GPRC5A: variants seen among roughly 807,000 people sequenced by gnomAD.
GPRC5A encodes the protein G protein-coupled receptor class C group 5 member A, also known as retinoic acid-induced protein 3.
A neutral mutation model predicts 22.5 loss-of-function variants in GPRC5A; 19 were observed. The observed-to-expected ratio is 0.85, with a 90% confidence interval of 0.59 to 1.24. The LOEUF (loss-of-function observed/expected upper bound fraction) is 1.24, where lower values mean the gene tolerates loss of function less well. Ranked by LOEUF, GPRC5A falls within the 50% of genes most tolerant of loss-of-function variation. The probability of loss-of-function intolerance (pLI) is 0.00; values close to 1 mark genes in which losing one functional copy is unlikely to be tolerated. For synonymous variants in GPRC5A, 192 were observed against 184.5 expected (o/e 1.04, Z -0.33); for missense variants, 471 against 451.1 (o/e 1.04, Z -0.40).
Position 12,913,949 on chromosome 12 carries a change from C to T in GPRC5A, c.*1410C>T, listed in dbSNP as rs916202863. ...AAAGGCAGGGAGGAGAGCTCAAAGC[C>T]GGTTTCATGTTTCACCCAAGGTCTA... On this transcript the variant is annotated 3_prime_UTR_variant, in exon 4 of 4. Transcript: ENST00000014914. The T allele has an allele frequency of 1.3e-5, 2 of 152,148 alleles. No individual in the cohort carries two copies. Among genetic ancestry groups the T allele is most frequent in the South Asian group, 2.1e-4 (1 of 4,838 alleles). 9.4% of individuals were successfully genotyped at this position (152,148 alleles called of 1,614,324 possible). A position where few individuals can be genotyped will look rare whatever the true frequency, so the allele number is the denominator to read the frequency against.
chr12:12,908,697 A>G lies in GPRC5A; in HGVS notation c.448A>G (p.Ile150Val), dbSNP rs1863970306. The stretch of plus-strand genomic sequence containing the variant: ...CAGCCTAGTCCAGGATGTTATCGCT[A>G]TTGAATATATTGTCCTGACCATGAA... ...GFSLVQDVIA[I>V]EYIVLTMNRT... The change falls in exon 2 of 4, where the codon ATT (isoleucine) becomes GTT (valine). Residue 150 changes from isoleucine (I) to valine (V), a missense_variant. By Grantham distance (29) the Ile-to-Val change is conservative. Transcript: ENST00000014914. 3 of 1,614,002 alleles carry G rather than the reference A, an allele frequency of 1.9e-6. No individual in the cohort carries two copies. Among genetic ancestry groups the G allele is most frequent in the Non-Finnish European group, 1.7e-6 (2 of 1,179,892 alleles).
At position 12,914,594 on chromosome 12, in the gene GPRC5A, T is replaced by TTCTTTCTTTCTTTCTCTCTCTCTC. The variant is rs59721062; in HGVS notation, c.*2058_*2059insTTCTTTCTTTCTCTCTCTCTCTCT. 2.3e-4 allele frequency: 19 copies of TTCTTTCTTTCTTTCTCTCTCTCTC among 81,548 alleles called. No homozygotes were observed. The highest frequency in any genetic ancestry group is 6.3e-3 in the Middle Eastern group (1 of 160). The allele number at this position is 81,548 out of a possible 1,614,324, so 5.1% of individuals were successfully genotyped here. A position where few individuals can be genotyped will look rare whatever the true frequency, so the allele number is the denominator to read the frequency against. On this transcript the variant is annotated 3_prime_UTR_variant, in exon 4 of 4. Coordinates refer to ENST00000014914, the MANE Select transcript of GPRC5A (RefSeq NM_003979.4). ...TTTCTTTCTTTCTTTCTTTCTTTCT[T>TTCTTTCTTTCTTTCTCTCTCTCTC]TCTCTCTCTCTCTCTCTCTCTCTTT...
chr12:12,905,787 G>C (rs1055185115), intron 1 of GPRC5A, among the ~76,000 whole-genome samples: 6 of 152,192 alleles, frequency 3.9e-5, no homozygotes, highest in Non-Finnish European at 8.8e-5. Flanking sequence ...TGTAGGGGCA[G>C]AGAAAGAAGC....
intron 1 of GPRC5A, among the ~76,000 whole-genome samples, chr12:12,906,222 C>T (rs537817143): frequency 1.3e-5 from 2 of 152,160 alleles, no homozygotes; most frequent in East Asian, 3.9e-4. Context: ...ATAGTTTTAC[C>T]TCATAGGGTT....
intron 1 of GPRC5A, among the ~76,000 whole-genome samples, chr12:12,903,013 G>A (rs996667381): frequency 1.3e-5 from 2 of 152,138 alleles, no homozygotes; most frequent in South Asian, 2.1e-4. Flanking sequence ...GTTGCCGGGC[G>A]CCGATATCGC....
At chr12:12,909,662 G>C (rs1473640617) in intron 2 of GPRC5A, 2 of 154,286 alleles carry the variant, frequency 1.3e-5, no homozygotes, top group East Asian at 1.9e-4. Context: ...ACAGAGCAGA[G>C]AAGGGAGAAA....
chr12:12,908,253 G>T lies in GPRC5A; in HGVS notation c.4G>T (p.Ala2Ser). 2 of 1,577,368 alleles carry T rather than the reference G, an allele frequency of 1.3e-6. No homozygotes were observed. The highest frequency in any genetic ancestry group is 8.6e-7 in the Non-Finnish European group (1 of 1,161,434). The change falls in exon 2 of 4, where the codon GCT (alanine) becomes TCT (serine). Residue 2 changes from alanine to serine, a missense_variant. Physicochemically the swap from Ala to Ser is moderately conservative, Grantham distance 99. Transcript: ENST00000014914. Reference sequence around the variant, plus strand: ...ATTCCTTTTCTGCAGGTCCAGAATGGCTACAACAGTCCCTGATGGTTGCCG... The same window carrying T: ...ATTCCTTTTCTGCAGGTCCAGAATGTCTACAACAGTCCCTGATGGTTGCCG... Reference protein sequence around the residue: MATTVPDGCRNG... With the variant: MSTTVPDGCRNG...
At chr12:12,905,656 G>A (rs922181142) in intron 1 of GPRC5A, among the ~76,000 whole-genome samples, 24 of 152,230 alleles carry the variant, frequency 1.6e-4, no homozygotes, top group African/African-American at 5.8e-4. Context: ...TGAGGAAATG[G>A]GGACACTCCT....
chr12:12,895,308 T>C (rs1863810410), intron 1 of GPRC5A, among the ~76,000 whole-genome samples: 1 of 152,156 alleles, frequency 6.6e-6, no homozygotes, highest in South Asian at 2.1e-4. Flanking sequence ...TTCTGTTCTT[T>C]TGCTTTTAAC....
Position 12,916,978 on chromosome 12 carries a change from C to G in GPRC5A, c.*4439C>G, listed in dbSNP as rs945694614. 6.6e-6 allele frequency: 1 copy of G among 152,264 alleles called. No homozygotes were observed. Among genetic ancestry groups the G allele is most frequent in the African/African-American group, 2.4e-5 (1 of 41,448 alleles). 9.4% of individuals were successfully genotyped at this position (152,264 alleles called of 1,614,324 possible). A position where few individuals can be genotyped will look rare whatever the true frequency, so the allele number is the denominator to read the frequency against. On this transcript the variant is annotated 3_prime_UTR_variant, in exon 4 of 4. Coordinates refer to ENST00000014914, the MANE Select transcript of GPRC5A (RefSeq NM_003979.4). Reference sequence around the variant, plus strand: ...TGCAGGTTTGCCACCGTCCCGGCCCCAGTCTGAAACATGGGATTATTTCAG... The same window carrying G: ...TGCAGGTTTGCCACCGTCCCGGCCCGAGTCTGAAACATGGGATTATTTCAG...
At chr12:12,897,934 G>A (rs1027482968) in intron 1 of GPRC5A, among the ~76,000 whole-genome samples, 4 of 151,952 alleles carry the variant, frequency 2.6e-5, no homozygotes, top group Non-Finnish European at 5.9e-5. Flanking sequence ...AACCTCCTTT[G>A]CGGACTCCTA....
In GPRC5A at chr12:12,893,531, T is replaced by C. The variant is rs527828858; in HGVS notation, c.-8+1867T>C. ...TCTTTTATTCTCATTTTTATTGCAC[T>C]GTGGTCAGACTATATGGTCTGCACA... On this transcript the variant is annotated intron_variant, in intron 1 of 3. Coordinates refer to ENST00000014914, the MANE Select transcript of GPRC5A (RefSeq NM_003979.4). Among the ~76,000 whole-genome samples the C allele has an allele frequency of 1.8e-3, 280 of 152,346 alleles. 1 individual carries two copies. The highest frequency in any genetic ancestry group is 6.6e-3 in the African/African-American group (275 of 41,586).
chr12:12,915,636 C>G lies in GPRC5A; in HGVS notation c.*3097C>G, dbSNP rs1449640226. ...TCCTTCTCCTCCTTCTCCTCCTCCT[C>G]CTCCTCCACCATGCCCGGCTGATTT... On this transcript the variant is annotated 3_prime_UTR_variant, in exon 4 of 4. Transcript: ENST00000014914. The G allele has an allele frequency of 2.7e-5, 5 of 187,524 alleles. No individual in the cohort carries two copies. Among genetic ancestry groups the G allele is most frequent in the African/African-American group, 1.2e-4 (5 of 42,218 alleles). The allele number at this position is 187,524 out of a possible 1,614,324, so 11.6% of individuals were successfully genotyped here.
chr12:12,909,226 T>TCATA, intron 2 of GPRC5A, 55 bp downstream of exon 2: 1 of 1,186,770 alleles, frequency 8.4e-7, no homozygotes, highest in Non-Finnish European at 1.2e-6. Context: ...TGGGGGAGAA[T>TCATA]CATAGGATAT....
rs757980943 is a variant in GPRC5A at position 12,912,504 on chromosome 12, T to C, written c.1039T>C (p.Tyr347His). 6 of 1,611,104 alleles carry C rather than the reference T, an allele frequency of 3.7e-6. No individual in the cohort carries two copies. In the Admixed American group the frequency reaches 1.0e-4, roughly 27 times the overall value. The change falls in exon 4 of 4, where the codon TAC becomes CAC. Residue 347 changes from tyrosine (Y) to histidine (H), a missense_variant. Physicochemically the swap from Tyr to His is moderately conservative, Grantham distance 83 (BLOSUM62 2). Coordinates refer to ENST00000014914, the MANE Select transcript of GPRC5A (RefSeq NM_003979.4). ...IPRAHAWPSP[Y>H]KDYEVKKEGS ...ACGGGCCCACGCTTGGCCGAGCCCT[T>C]ACAAAGACTATGAAGTAAAGAAAGA... is the stretch of plus-strand genomic sequence containing the variant.
intron 1 of GPRC5A, among the ~76,000 whole-genome samples, chr12:12,894,169 C>T (rs1474918876): frequency 6.6e-6 from 1 of 152,070 alleles, no homozygotes; most frequent in African/African-American, 2.4e-5. Flanking sequence ...TATAACCTGG[C>T]CCTTTATAGA....
intron 1 of GPRC5A, among the ~76,000 whole-genome samples, chr12:12,905,083 C>T (rs1271556510): frequency 4.6e-5 from 7 of 152,074 alleles, no homozygotes; most frequent in Non-Finnish European, 8.8e-5. Flanking sequence ...CAGGGTTTCG[C>T]CATGTTGGCC....
At chr12:12,892,588 A>G (rs908590551) in intron 1 of GPRC5A, among the ~76,000 whole-genome samples, 4 of 152,066 alleles carry the variant, frequency 2.6e-5, no homozygotes, top group African/African-American at 9.7e-5. Flanking sequence ...GTTGGTCTCA[A>G]ACTCCCGACC....
rs1042888881 is a variant in GPRC5A, at chr12:12,917,569, T to C, written c.*5030T>C. 2 of 152,232 alleles carry C rather than the reference T, an allele frequency of 1.3e-5. No homozygotes were observed. Among genetic ancestry groups the C allele is most frequent in the Non-Finnish European group, 2.9e-5 (2 of 68,086 alleles). 9.4% of individuals were successfully genotyped at this position (152,232 alleles called of 1,614,324 possible). ...TCACTGTATATTTTAAGCATTCCTC[T>C]CCTTTCCCTTTGCCTCCCCTGTTGC... On this transcript the variant is annotated 3_prime_UTR_variant, in exon 4 of 4. Coordinates refer to ENST00000014914, the MANE Select transcript of GPRC5A (RefSeq NM_003979.4).
Sources: gnomAD v4.1 joint callset for allele counts (sites outside exome capture counted in the v4.1 genomes callset) on GRCh38, gnomAD v4.1.1 for gene constraint, MANE v1.5 for transcripts, NCBI Gene and HGNC (gene_info 2026-07-23, HGNC 2026-07-21) for gene names.